Variants in EXT2 observed in about 807,000 individuals in gnomAD.
EXT2 encodes exostosin-2.
A neutral mutation model predicts 81.6 loss-of-function variants in EXT2; 53 were observed. That is an observed-to-expected ratio of 0.65 (90% CI 0.52 to 0.82). The LOEUF is 0.82. Among genes scored for constraint, EXT2 ranks in the 40% least tolerant of loss-of-function variants. The pLI, the probability that EXT2 is intolerant of heterozygous loss-of-function variation, is 0.00. For missense variants in EXT2, 774 were observed against 910.2 expected, an observed-to-expected ratio of 0.85 and a Z score of 1.93; for synonymous variants, 320 against 340.0, an observed-to-expected ratio of 0.94 and a Z score of 0.65.
Position 44,206,910 on chromosome 11 carries a change from A to AT in EXT2, c.1614dup (p.Asp539Ter). On this transcript the variant is annotated frameshift_variant, in exon 10 of 14. Coordinates refer to ENST00000533608, the MANE Select transcript of EXT2 (RefSeq NM_207122.2). LOFTEE classifies it high-confidence loss of function. ...GAGACAGAAGCTGTTCTGGCCATTG[A>AT]TGATGATATCATTATGCTGACCTCT... The AT allele has an allele frequency of 6.2e-7, 1 of 1,614,148 alleles. No homozygotes were observed. The highest frequency in any genetic ancestry group is 8.5e-7 in the Non-Finnish European group (1 of 1,180,004).
intron 7 of EXT2, among the ~76,000 whole-genome samples, chr11:44,152,131 T>TGTCCTTTGCAAATG (rs1164915728): frequency 1.3e-4 from 20 of 152,348 alleles, no homozygotes; most frequent in African/African-American, 4.8e-4. Context: ...TTATTAGTCG[T>TGTCCTTTGCAAATG]GTCCTTTGCA....
chr11:44,138,943 T>C (rs1166955907), intron 7 of EXT2, among the ~76,000 whole-genome samples: 5 of 152,150 alleles, frequency 3.3e-5, no homozygotes, highest in Non-Finnish European at 7.3e-5. Context: ...AGCATTTAAG[T>C]ATTAGAAGGA....
intron 13 of EXT2, among the ~76,000 whole-genome samples, chr11:44,241,192 A>G (rs142651915): frequency 2.9e-4 from 44 of 152,302 alleles, no homozygotes; most frequent in Admixed American, 7.2e-4. Context: ...TTAGTTCTTT[A>G]AGAGTCAGAA....
At chr11:44,114,411 G>T (rs1954192711) in intron 4 of EXT2, 110 bp downstream of exon 4, 1 of 967,244 alleles carries the variant, frequency 1.0e-6, no homozygotes, top group Non-Finnish European at 1.7e-6. Flanking sequence ...ACAGGGTAGG[G>T]TCCTTGAGGC....
intron 8 of EXT2, among the ~76,000 whole-genome samples, chr11:44,187,384 C>T (rs1365242341): frequency 2.0e-5 from 3 of 151,850 alleles, no homozygotes; most frequent in Non-Finnish European, 1.5e-5. Context: ...CTATGTTTCC[C>T]AGGCTGATGT....
chr11:44,144,164 A>G (rs1954683704), intron 7 of EXT2: 2 of 1,173,194 alleles, frequency 1.7e-6, no homozygotes, highest in Non-Finnish European at 2.5e-6. Context: ...AGATTCCTTT[A>G]TAGCTAGTTG....
chr11:44,207,465 C>A (rs1184066703), intron 10 of EXT2, among the ~76,000 whole-genome samples: 1 of 152,160 alleles, frequency 6.6e-6, no homozygotes, highest in Non-Finnish European at 1.5e-5. Context: ...ATGGATTAGG[C>A]TGGGTTCAAG....
chr11:44,150,032 A>G (rs1185402404), intron 7 of EXT2, among the ~76,000 whole-genome samples: 1 of 152,252 alleles, frequency 6.6e-6, no homozygotes, highest in African/African-American at 2.4e-5. Context: ...TCTTTGGAAC[A>G]TGCTAGGGAA....
At chr11:44,124,558 A>G (rs539380559) in intron 4 of EXT2, among the ~76,000 whole-genome samples, 1 of 152,010 alleles carries the variant, frequency 6.6e-6, no homozygotes, top group Non-Finnish European at 1.5e-5. Context: ...CCCAAATAAG[A>G]TGTGTTATGA....
intron 12 of EXT2, 104 bp downstream of exon 12, chr11:44,234,347 A>G: frequency 8.6e-7 from 1 of 1,158,978 alleles, no homozygotes; most frequent in East Asian, 2.6e-5. Flanking sequence ...GACTAGATAA[A>G]CTTTAAGCTC....
intron 8 of EXT2, among the ~76,000 whole-genome samples, chr11:44,179,577 C>T (rs1955206294): frequency 6.6e-6 from 1 of 152,216 alleles, no homozygotes; most frequent in Non-Finnish European, 1.5e-5. Flanking sequence ...TATATTAGCA[C>T]ATCAAATTCC....
intron 8 of EXT2, among the ~76,000 whole-genome samples, chr11:44,177,706 A>G (rs990827490): frequency 5.9e-5 from 8 of 136,060 alleles, no homozygotes; most frequent in Middle Eastern, 4.1e-3. Context: ...AATTTTATTT[A>G]CATTTTTGAT....
At chr11:44,114,111 C>T in intron 3 of EXT2, 74 bp from the exon 4 acceptor site, 1 of 1,294,866 alleles carries the variant, frequency 7.7e-7, no homozygotes, top group South Asian at 1.2e-5. Context: ...TCAGTAATTC[C>T]TGTTCCTCTC....
At chr11:44,225,319 A>C (rs746516894) in intron 10 of EXT2, among the ~76,000 whole-genome samples, 2 of 152,318 alleles carry the variant, frequency 1.3e-5, no homozygotes, top group South Asian at 2.1e-4. Context: ...GTAGGCCCTC[A>C]GATGTCAGAT....
intron 7 of EXT2, among the ~76,000 whole-genome samples, chr11:44,160,622 G>T (rs1420501516): frequency 3.3e-5 from 5 of 152,184 alleles, no homozygotes; most frequent in African/African-American, 9.7e-5. Context: ...TAGTGGGTGA[G>T]AAGTTTAGAT....
At chr11:44,190,812 T>C (rs1208183210) in intron 8 of EXT2, among the ~76,000 whole-genome samples, 1 of 152,204 alleles carries the variant, frequency 6.6e-6, no homozygotes, top group African/African-American at 2.4e-5. Context: ...TTCTCTGCTT[T>C]CTGTATGGTA....
intron 4 of EXT2, among the ~76,000 whole-genome samples, chr11:44,115,458 G>A (rs1445836784): frequency 2.0e-5 from 3 of 152,174 alleles, no homozygotes; most frequent in Admixed American, 2.0e-4. Flanking sequence ...TGTGCAGCAT[G>A]GATGTAACCT....
intron 7 of EXT2, among the ~76,000 whole-genome samples, chr11:44,147,705 C>T (rs1301346968): frequency 5.0e-5 from 7 of 138,842 alleles, no homozygotes; most frequent in South Asian, 2.5e-4. Flanking sequence ...GGACTACAGG[C>T]GCCTGCCACC....
intron 13 of EXT2, 94 bp from the exon 14 acceptor site, chr11:44,244,055 C>A: frequency 8.5e-7 from 1 of 1,182,938 alleles, no homozygotes; most frequent in Non-Finnish European, 1.3e-6. Context: ...GCTGTTATCT[C>A]TCAACCTCTT....
Sources: allele counts gnomAD v4.1 joint callset (sites outside exome capture counted in the v4.1 genomes callset), GRCh38; gene constraint gnomAD v4.1.1; transcripts MANE v1.5; gene names NCBI Gene and HGNC (gene_info 2026-07-23, HGNC 2026-07-21).